Variants in DLGAP1 observed in about 807,000 individuals in gnomAD.
The protein encoded by DLGAP1 is disks large-associated protein 1.
Under a neutral mutation model 90.8 loss-of-function variants are expected in DLGAP1, and 11 were observed. The ratio of observed to expected loss-of-function variants is 0.12; its 90% confidence interval spans 0.08 to 0.20. The LOEUF is 0.20. DLGAP1 is among the 10% of genes least tolerant of loss of function. The probability of loss-of-function intolerance (pLI) is 1.00; values close to 1 mark genes in which losing one functional copy is unlikely to be tolerated. For missense variants in DLGAP1, 1,050 were observed against 1,333.8 expected (o/e 0.79, Z 3.31); for synonymous variants, 558 against 540.7 (o/e 1.03, Z -0.44).
chr18:3,768,149 C>G (rs2064343157), intron 5 of DLGAP1, among the ~76,000 whole-genome samples: 1 of 152,130 alleles, frequency 6.6e-6, no homozygotes, highest in South Asian at 2.1e-4. Flanking sequence ...TTGTATTTCT[C>G]TATGTAGTAA....
intron 2 of DLGAP1, among the ~76,000 whole-genome samples, chr18:4,047,430 A>T (rs2075070556): frequency 6.6e-6 from 1 of 152,230 alleles, no homozygotes; most frequent in Non-Finnish European, 1.5e-5. Flanking sequence ...TTGCATCATG[A>T]TCAAGCTCTA....
At chr18:4,012,216 T>C (rs1004694252) in intron 2 of DLGAP1, among the ~76,000 whole-genome samples, 1 of 152,126 alleles carries the variant, frequency 6.6e-6, no homozygotes, top group Non-Finnish European at 1.5e-5. Flanking sequence ...CTCAGAATAT[T>C]CTAGTTAGTG....
chr18:4,150,378 G>A lies in DLGAP1; in HGVS notation c.-159+802C>T, dbSNP rs142622246. 1.2e-4 allele frequency among the ~76,000 whole-genome samples: 18 copies of A among 152,110 alleles called. No homozygotes were observed. In the East Asian group the frequency reaches 3.5e-3, roughly 29 times the overall value. ...TAGCAAGGACTCAAGGGTTTTCATTGCCTTTCTTTTGTTTTCTTTTCTTTT... is the reference window on the plus strand; with the variant it reads ...TAGCAAGGACTCAAGGGTTTTCATTACCTTTCTTTTGTTTTCTTTTCTTTT... On this transcript the variant is annotated intron_variant, in intron 2 of 12. Coordinates refer to ENST00000315677, the MANE Select transcript of DLGAP1 (RefSeq NM_004746.4).
intron 5 of DLGAP1, among the ~76,000 whole-genome samples, chr18:3,812,176 C>T (rs1478045443): frequency 6.6e-6 from 1 of 152,142 alleles, no homozygotes; most frequent in Non-Finnish European, 1.5e-5. Flanking sequence ...GACTACCTAA[C>T]ATTGTGTCTA....
intron 3 of DLGAP1, chr18:3,983,712 T>C (rs1599267312): frequency 6.6e-6 from 1 of 152,168 alleles, no homozygotes; most frequent in East Asian, 1.9e-4. Flanking sequence ...CAAATCTAAA[T>C]TACCCCCGTT....
At chr18:3,741,257 AC>A in intron 6 of DLGAP1, among the ~76,000 whole-genome samples, 1 of 100,450 alleles carries the variant, frequency 1.0e-5, no homozygotes. Context: ...CATCACCACC[AC>A]AATCACCACC....
intron 3 of DLGAP1, among the ~76,000 whole-genome samples, chr18:3,909,940 C>T (rs1164143823): frequency 2.6e-5 from 4 of 151,928 alleles, no homozygotes; most frequent in African/African-American, 9.7e-5. Flanking sequence ...AATTTAAGTT[C>T]AGGAATCACA....
chr18:3,585,222 A>T (rs1442064144), intron 7 of DLGAP1, among the ~76,000 whole-genome samples: 9 of 152,250 alleles, frequency 5.9e-5, no homozygotes, highest in Non-Finnish European at 1.3e-4. Context: ...CCCACAGCTA[A>T]GCCTCTGGCT....
intron 2 of DLGAP1, among the ~76,000 whole-genome samples, chr18:4,054,507 G>A (rs898623852): frequency 2.6e-5 from 4 of 152,160 alleles, no homozygotes; most frequent in Admixed American, 2.6e-4. Context: ...CTACACAACA[G>A]TACACATAGA....
intron 2 of DLGAP1, among the ~76,000 whole-genome samples, chr18:4,052,357 T>G (rs1443113935): frequency 1.3e-5 from 2 of 152,152 alleles, no homozygotes; most frequent in African/African-American, 4.8e-5. Flanking sequence ...AACTTCAAGT[T>G]TTGTCTTCTG....
At chr18:3,634,688 C>T (rs552862098) in intron 7 of DLGAP1, among the ~76,000 whole-genome samples, 16 of 152,270 alleles carry the variant, frequency 1.1e-4, no homozygotes, top group Non-Finnish European at 2.2e-4. Context: ...TCAAATTATG[C>T]TGTTATAGTC....
intron 5 of DLGAP1, among the ~76,000 whole-genome samples, chr18:3,761,057 C>T (rs751510038): frequency 1.2e-4 from 18 of 152,182 alleles, no homozygotes; most frequent in Non-Finnish European, 2.4e-4. Flanking sequence ...CTGTCTTTCT[C>T]GTGCTCCCCC....
intron 7 of DLGAP1, among the ~76,000 whole-genome samples, chr18:3,663,285 C>A (rs887903321): frequency 2.6e-5 from 4 of 151,642 alleles, no homozygotes; most frequent in Non-Finnish European, 4.4e-5. Flanking sequence ...AAAAAAAGAA[C>A]CTGAATCTCA....
intron 1 of DLGAP1, among the ~76,000 whole-genome samples, chr18:4,392,177 G>A (rs1292734141): frequency 6.6e-6 from 1 of 152,150 alleles, no homozygotes; most frequent in African/African-American, 2.4e-5. Context: ...ACCCAGATGG[G>A]TAGCCCAAAG....
In DLGAP1 at chr18:3,716,790, A is replaced by G. The variant is rs115420789; in HGVS notation, c.1591+12345T>C. 2.8e-3 allele frequency among the ~76,000 whole-genome samples: 426 copies of G among 152,066 alleles called. 3 individuals are homozygous for G. The highest frequency in any genetic ancestry group is 9.8e-3 in the African/African-American group (407 of 41,476). On this transcript the variant is annotated intron_variant, in intron 7 of 12. Transcript: ENST00000315677. ...ATGTCCTGTGGATTTCTAGTTTAATATAATACCAAAGTCCTCTCCTTTCCC... is the reference window on the plus strand; with the variant it reads ...ATGTCCTGTGGATTTCTAGTTTAATGTAATACCAAAGTCCTCTCCTTTCCC...
chr18:4,025,407 A>G (rs575212728), intron 2 of DLGAP1, among the ~76,000 whole-genome samples: 6 of 152,268 alleles, frequency 3.9e-5, no homozygotes, highest in Non-Finnish European at 7.4e-5. Context: ...GGTAAGTGGA[A>G]TGCAAATATT....
At chr18:3,794,663 G>A (rs192487047) in intron 5 of DLGAP1, among the ~76,000 whole-genome samples, 181 of 152,328 alleles carry the variant, frequency 1.2e-3, no homozygotes, top group Non-Finnish European at 1.9e-3. Flanking sequence ...GGGACCATAC[G>A]TAGCCACAAA....
intron 1 of DLGAP1, among the ~76,000 whole-genome samples, chr18:4,221,689 C>A (rs1020768349): frequency 1.3e-5 from 2 of 152,040 alleles, no homozygotes; most frequent in African/African-American, 4.8e-5. Flanking sequence ...CAATAGTGTG[C>A]CTGCTGAAAT....
At chr18:4,326,817 TAGG>T (rs1234809515) in intron 1 of DLGAP1, among the ~76,000 whole-genome samples, 2 of 151,952 alleles carry the variant, frequency 1.3e-5, no homozygotes, top group Non-Finnish European at 2.9e-5. Context: ...ACATCGTTAC[TAGG>T]AGGAGAACAA....
Sources: allele counts gnomAD v4.1 joint callset (sites outside exome capture counted in the v4.1 genomes callset), GRCh38; gene constraint gnomAD v4.1.1; transcripts MANE v1.5; gene names NCBI Gene and HGNC (gene_info 2026-07-23, HGNC 2026-07-21).